The following CFAP20DC variants were observed in gnomAD, a reference collection of about 807,000 sequenced individuals.
CFAP20DC encodes the protein protein CFAP20DC.
Under a neutral mutation model 101.7 loss-of-function variants are expected in CFAP20DC, and 84 were observed. The observed-to-expected ratio is 0.83, with a 90% CI of 0.69 to 0.99. The LOEUF (loss-of-function observed/expected upper bound fraction) is 0.99. CFAP20DC is among the 50% of genes least tolerant of loss of function. CFAP20DC has a pLI of 0.00. For missense variants in CFAP20DC, 1,007 were observed against 970.3 expected (o/e 1.04, Z -0.50); for synonymous variants, 359 against 351.2 (o/e 1.02, Z -0.25).
chr3:58,876,078 A>T (rs910612414), intron 7 of CFAP20DC, among the ~76,000 whole-genome samples: 27 of 152,172 alleles, frequency 1.8e-4, no homozygotes, highest in Non-Finnish European at 3.7e-4. Context: ...GTTTATTTTT[A>T]AAAATTTTGC....
rs935685689 is a variant in CFAP20DC, at chr3:58,913,758, C to T, written c.500G>A (p.Arg167Gln). The change falls in exon 6 of 17, where the codon CGG becomes CAG. Residue 167 changes from arginine to glutamine, a missense_variant. By Grantham distance (43) the Arg-to-Gln change is conservative. Transcript: ENST00000482387. This position sits in a 1 kb window ranked among gnomAD's most constrained non-coding sequence, Gnocchi z 4.4. The part of the protein sequence containing the change: ...GIVVSANCKL[R>Q]KIFTLKSKPQ... ...CTTTGATTTTAAGGTGAAGATCTTC[C>T]GTAGCTTACAGTTAGCTGAGACAAC... 13 of 1,613,504 alleles carry T rather than the reference C, an allele frequency of 8.1e-6. No individual in the cohort carries two copies. Among genetic ancestry groups the T allele is most frequent in the African/African-American group, 1.3e-5 (1 of 74,846 alleles).
chr3:58,935,744 C>T (rs2087478323), intron 5 of CFAP20DC, among the ~76,000 whole-genome samples: 2 of 152,114 alleles, frequency 1.3e-5, no homozygotes, highest in African/African-American at 4.8e-5. Context: ...AACTGGATCC[C>T]TTCCTTACAT....
intron 4 of CFAP20DC, chr3:59,018,908 T>C (rs545947835): frequency 2.6e-5 from 4 of 152,002 alleles, no homozygotes; most frequent in Admixed American, 6.6e-5. Context: ...TACTCTCAAA[T>C]AGCTTGAGGA....
rs568411980 is a variant in CFAP20DC, at chr3:58,907,677, A to C, written c.550+6031T>G. Among the ~76,000 whole-genome samples the C allele has an allele frequency of 2.6e-5, 4 of 152,224 alleles. No homozygotes were observed. The South Asian group carries it at 8.3e-4, about 32-fold the overall frequency. ...CCATGTCTTAGGCGCTACAATACCA[A>C]CTTAACTTTTCTAAGATGTACTTGG... On this transcript the variant is annotated intron_variant, in intron 6 of 16. Transcript: ENST00000482387.
At chr3:58,820,182 T>C (rs1455558570) in intron 14 of CFAP20DC, among the ~76,000 whole-genome samples, 1 of 151,678 alleles carries the variant, frequency 6.6e-6, no homozygotes, top group Non-Finnish European at 1.5e-5. Flanking sequence ...CCACAGCCAA[T>C]ATCATACTGA....
At chr3:58,978,478 T>G (rs111792145) in intron 4 of CFAP20DC, among the ~76,000 whole-genome samples, 3 of 151,742 alleles carry the variant, frequency 2.0e-5, no homozygotes, top group Non-Finnish European at 2.9e-5. Flanking sequence ...GGAGGCCGAG[T>G]TGGGCAGATC....
intron 4 of CFAP20DC, among the ~76,000 whole-genome samples, chr3:58,944,983 A>G (rs2107909293): frequency 6.6e-6 from 1 of 152,356 alleles, no homozygotes; most frequent in East Asian, 1.9e-4. Flanking sequence ...AGATGCATAC[A>G]TTTTCCAAAA....
chr3:58,930,988 C>T (rs939943241), intron 5 of CFAP20DC, among the ~76,000 whole-genome samples: 49 of 152,266 alleles, frequency 3.2e-4, no homozygotes, highest in African/African-American at 1.1e-3. Context: ...TCGGGAAGCA[C>T]AAGGGGTCAG....
At chr3:58,824,323 A>C (rs1156617311) in intron 14 of CFAP20DC, 1 of 152,216 alleles carries the variant, frequency 6.6e-6, no homozygotes, top group African/African-American at 2.4e-5. Flanking sequence ...AACCAGGAAT[A>C]TCATGCAAAA....
chr3:58,878,059 T>C (rs1338227375), intron 7 of CFAP20DC, among the ~76,000 whole-genome samples: 1 of 152,138 alleles, frequency 6.6e-6, no homozygotes, highest in Non-Finnish European at 1.5e-5. Flanking sequence ...TGTGGCTAAT[T>C]TGAGAGTGCA....
At chr3:58,933,588 A>C (rs1350175706) in intron 5 of CFAP20DC, among the ~76,000 whole-genome samples, 4 of 152,162 alleles carry the variant, frequency 2.6e-5, no homozygotes, top group East Asian at 1.9e-4. Context: ...GACCACAGTG[A>C]AATCAAACCA....
intron 5 of CFAP20DC, among the ~76,000 whole-genome samples, chr3:58,918,213 A>G (rs1057215192): frequency 6.6e-5 from 10 of 152,100 alleles, no homozygotes; most frequent in African/African-American, 2.4e-4. Flanking sequence ...TTGTGCTTCT[A>G]CAGCCCTCTA....
At chr3:58,798,095 C>G (rs2073392427) in intron 15 of CFAP20DC, among the ~76,000 whole-genome samples, 1 of 151,670 alleles carries the variant, frequency 6.6e-6, no homozygotes, top group African/African-American at 2.4e-5. Context: ...ATCTATTCTG[C>G]AGCTCATGGA....
intron 4 of CFAP20DC, among the ~76,000 whole-genome samples, chr3:58,967,619 G>T (rs1464143182): frequency 6.6e-6 from 1 of 152,136 alleles, no homozygotes; most frequent in Admixed American, 6.6e-5. Flanking sequence ...TCTGATAAGG[G>T]TATAGTACAT....
At chr3:58,943,488 G>A (rs140296769) in intron 4 of CFAP20DC, among the ~76,000 whole-genome samples, 164 of 152,296 alleles carry the variant, frequency 1.1e-3, no homozygotes, top group Middle Eastern at 0.01. Context: ...AGGCCTGACT[G>A]TTAGCAAAAA....
intron 2 of CFAP20DC, 84 bp from the exon 3 acceptor site, chr3:59,046,406 G>T: frequency 1.2e-6 from 1 of 831,708 alleles, no homozygotes; most frequent in Non-Finnish European, 1.8e-6. Context: ...GATCTACAGG[G>T]AAAAAAAAAT....
intron 15 of CFAP20DC, among the ~76,000 whole-genome samples, chr3:58,785,429 G>T (rs370157534): frequency 1.6e-4 from 24 of 152,058 alleles, no homozygotes; most frequent in Non-Finnish European, 5.9e-5. Context: ...TAGAAGGGAG[G>T]ACTTGAAATG....
At chr3:58,828,006 T>A (rs2076157929) in intron 14 of CFAP20DC, among the ~76,000 whole-genome samples, 1 of 152,064 alleles carries the variant, frequency 6.6e-6, no homozygotes, top group Non-Finnish European at 1.5e-5. Context: ...TAGAGCTAAG[T>A]CTTGAGGATA....
intron 6 of CFAP20DC, among the ~76,000 whole-genome samples, chr3:58,904,910 C>T (rs982431984): frequency 6.6e-5 from 10 of 152,046 alleles, no homozygotes; most frequent in African/African-American, 1.9e-4. Flanking sequence ...GTTTATTGAA[C>T]GGAGACAGTG....
Sources: allele counts gnomAD v4.1 joint callset (sites outside exome capture counted in the v4.1 genomes callset), GRCh38; gene constraint gnomAD v4.1.1; non-coding constraint Gnocchi (gnomAD v3.1); transcripts MANE v1.5; gene names NCBI Gene and HGNC (gene_info 2026-07-23, HGNC 2026-07-21).